Variants in CDH2 observed in about 807,000 individuals in gnomAD.
CDH2 encodes the protein cadherin 2, also known as cadherin-2.
In CDH2, 17 loss-of-function variants were observed where a neutral mutation model predicts 92.0. That is an observed-to-expected ratio of 0.18 (90% CI 0.13 to 0.28). CDH2 has a LOEUF of 0.28. CDH2 is among the 10% of genes least tolerant of loss of function. The pLI is 1.00. For synonymous variants in CDH2, 419 were observed against 415.9 expected, an observed-to-expected ratio of 1.01 and a Z score of -0.09; for missense variants, 862 against 1,133.1, an observed-to-expected ratio of 0.76 and a Z score of 3.44.
At chr18:28,073,742 G>A (rs1402107602) in intron 2 of CDH2, among the ~76,000 whole-genome samples, 1 of 152,142 alleles carries the variant, frequency 6.6e-6, no homozygotes, top group Non-Finnish European at 1.5e-5. Flanking sequence ...GGTGTTACAG[G>A]CTCTGGAGTG....
At chr18:27,980,236 A>ACCACTGACG (rs2011999936) in intron 14 of CDH2, among the ~76,000 whole-genome samples, 1 of 152,138 alleles carries the variant, frequency 6.6e-6, no homozygotes, top group African/African-American at 2.4e-5. Context: ...GTCTGCACCC[A>ACCACTGACG]CCACTGACGC....
rs1310566633 is a variant in CDH2, at chr18:27,951,275, GTATTC to G, written c.*873_*877del. 1.3e-5 allele frequency: 2 copies of G among 151,122 alleles called. No homozygotes were observed. Among genetic ancestry groups the G allele is most frequent in the East Asian group, 3.9e-4 (2 of 5,140 alleles). The allele number at this position is 151,122 out of a possible 1,614,324, so 9.4% of individuals were successfully genotyped here. A position where few individuals can be genotyped will look rare whatever the true frequency, so the allele number is the denominator to read the frequency against. On this transcript the variant is annotated 3_prime_UTR_variant, in exon 16 of 16. Coordinates refer to ENST00000269141, the MANE Select transcript of CDH2 (RefSeq NM_001792.5). ...AAAAATTAAAAAAATTAAAAATTGAGTATTCTAACTACAGCTCAACAATTGAATCA... is the reference window on the plus strand; with the variant it reads ...AAAAATTAAAAAAATTAAAAATTGAGTAACTACAGCTCAACAATTGAATCA...
chr18:28,114,682 G>A (rs772278117), intron 2 of CDH2, among the ~76,000 whole-genome samples: 25 of 151,960 alleles, frequency 1.6e-4, no homozygotes, highest in Non-Finnish European at 2.5e-4. Flanking sequence ...CAAAGTTGAC[G>A]TTGTCTGGAC....
chr18:28,070,740 T>A (rs2014601301), intron 2 of CDH2, among the ~76,000 whole-genome samples: 1 of 152,150 alleles, frequency 6.6e-6, no homozygotes, highest in Non-Finnish European at 1.5e-5. Context: ...AAACAAGTAG[T>A]TAAATGTCAC....
Position 28,177,071 on chromosome 18 carries a change from G to GCGT in CDH2, c.-50_-49insACG. 1 of 1,378,584 alleles carries GCGT rather than the reference G, an allele frequency of 7.3e-7. No individual in the cohort carries two copies. The highest frequency in any genetic ancestry group is 9.7e-7 in the Non-Finnish European group (1 of 1,026,390). 85.4% of individuals were successfully genotyped at this position (1,378,584 alleles called of 1,614,324 possible). The stretch of plus-strand genomic sequence containing the variant: ...AGAGCCGGAGGAGGCGGCGGCGGCG[G>GCGT]CGGCGGCGGCGGAGGAGGAGGAGGC... On this transcript the variant is annotated 5_prime_UTR_variant, in exon 1 of 16. Coordinates refer to ENST00000269141, the MANE Select transcript of CDH2 (RefSeq NM_001792.5).
chr18:28,177,118 G>T lies in CDH2; in HGVS notation c.-96C>A. The T allele has an allele frequency of 1.2e-6, 1 of 865,332 alleles. No individual in the cohort carries two copies. The highest frequency in any genetic ancestry group is 1.7e-6 in the Non-Finnish European group (1 of 580,962). 53.6% of individuals were successfully genotyped at this position (865,332 alleles called of 1,614,324 possible). ...AGGCAGCGGCAGCACCAACAGCGGC[G>T]CGGAGAAACGGCTCCAGGCAGTTTC... is the stretch of plus-strand genomic sequence containing the variant. On this transcript the variant is annotated 5_prime_UTR_variant, in exon 1 of 16. Transcript: ENST00000269141.
chr18:28,037,181 A>C (rs1186478073), intron 2 of CDH2, among the ~76,000 whole-genome samples: 1 of 152,204 alleles, frequency 6.6e-6, no homozygotes, highest in Non-Finnish European at 1.5e-5. Context: ...AGTACTTGTT[A>C]AAATACAAAA....
chr18:28,023,464 C>A (rs1266809479), intron 2 of CDH2, among the ~76,000 whole-genome samples: 1 of 151,544 alleles, frequency 6.6e-6, no homozygotes, highest in African/African-American at 2.4e-5. Flanking sequence ...GCTGGGAGTA[C>A]AGGCGTGCAC....
At chr18:28,034,211 G>A (rs1342310525) in intron 2 of CDH2, among the ~76,000 whole-genome samples, 2 of 151,984 alleles carry the variant, frequency 1.3e-5, no homozygotes, top group Non-Finnish European at 2.9e-5. Flanking sequence ...CTCACTAGAT[G>A]ACTACTCTGC....
chr18:28,153,662 G>T (rs1275308892), intron 1 of CDH2, among the ~76,000 whole-genome samples: 1 of 152,174 alleles, frequency 6.6e-6, no homozygotes, highest in Non-Finnish European at 1.5e-5. Context: ...GATACTATCT[G>T]CCAGACCTCT....
intron 7 of CDH2, among the ~76,000 whole-genome samples, chr18:27,999,522 G>T (rs979661688): frequency 6.6e-6 from 1 of 152,142 alleles, no homozygotes; most frequent in Non-Finnish European, 1.5e-5. Context: ...TTCATCTTAT[G>T]AAGAGGAGTA....
chr18:28,049,680 G>A lies in CDH2; in HGVS notation c.173-35771C>T, dbSNP rs17535608. Among the ~76,000 whole-genome samples the A allele has an allele frequency of 2.6e-3, 390 of 152,322 alleles. 3 individuals are homozygous for A. Among genetic ancestry groups the A allele is most frequent in the African/African-American group, 9.1e-3 (377 of 41,564 alleles). On this transcript the variant is annotated intron_variant, in intron 2 of 15. Coordinates refer to ENST00000269141, the MANE Select transcript of CDH2 (RefSeq NM_001792.5). Reference sequence around the variant, plus strand: ...TGGCAAGGCCACATGCACATTACATGTCAAAAGACAACCAACCTCCACAAC... The same window carrying A: ...TGGCAAGGCCACATGCACATTACATATCAAAAGACAACCAACCTCCACAAC...
At chr18:28,051,256 T>C (rs2014184563) in intron 2 of CDH2, among the ~76,000 whole-genome samples, 1 of 152,168 alleles carries the variant, frequency 6.6e-6, no homozygotes, top group Admixed American at 6.5e-5. Context: ...TAGTGAAAAC[T>C]AAAGTATAGC....
intron 2 of CDH2, among the ~76,000 whole-genome samples, chr18:28,077,629 G>A (rs1004932952): frequency 1.3e-5 from 2 of 152,058 alleles, no homozygotes; most frequent in Non-Finnish European, 2.9e-5. Flanking sequence ...AGTGGCTCAC[G>A]CCTGTAATCC....
intron 2 of CDH2, among the ~76,000 whole-genome samples, chr18:28,115,901 A>G (rs1389736899): frequency 6.6e-6 from 1 of 152,162 alleles, no homozygotes; most frequent in Non-Finnish European, 1.5e-5. Flanking sequence ...AGGTCACCTG[A>G]AGTTTGCCAC....
rs72886095 is a variant in CDH2, at chr18:28,175,462, G to A, written c.60+1501C>T. 6.9e-3 allele frequency among the ~76,000 whole-genome samples: 1,049 copies of A among 152,354 alleles called. 22 individuals are homozygous for A. The highest frequency in any genetic ancestry group is 0.04 in the Admixed American group (611 of 15,308). On this transcript the variant is annotated intron_variant, in intron 1 of 15. Transcript: ENST00000269141. ...AAAGTGAGAGAGCACGACCCGGGAG[G>A]AGAGCGTGGAGCCGGGCAGGGACAG...
intron 6 of CDH2, among the ~76,000 whole-genome samples, chr18:28,003,928 G>A (rs614966): frequency 0.43 from 64,952 of 151,954 alleles, 14,367 homozygotes; most frequent in Admixed American, 0.53. Flanking sequence ...TCCATTTAAG[G>A]ACTGAATTAT....
chr18:28,152,446 G>C (rs2016138697), intron 1 of CDH2, among the ~76,000 whole-genome samples: 1 of 152,200 alleles, frequency 6.6e-6, no homozygotes, highest in Non-Finnish European at 1.5e-5. Flanking sequence ...GCAAAGCCCA[G>C]GGCAGGGAAT....
chr18:28,151,835 A>G (rs1221091167), intron 1 of CDH2, among the ~76,000 whole-genome samples: 2 of 152,214 alleles, frequency 1.3e-5, no homozygotes, highest in East Asian at 3.9e-4. Context: ...TAAGTATTTC[A>G]GGCTTTGTAG....
Sources: allele counts gnomAD v4.1 joint callset (sites outside exome capture counted in the v4.1 genomes callset), GRCh38; gene constraint gnomAD v4.1.1; transcripts MANE v1.5; gene names NCBI Gene and HGNC (gene_info 2026-07-23, HGNC 2026-07-21).